Variants in TASP1 observed in about 807,000 individuals in gnomAD.
TASP1 encodes the protein threonine aspartase 1.
A neutral mutation model predicts 56.6 loss-of-function variants in TASP1; 16 were observed. The observed-to-expected ratio is 0.28, with a 90% CI of 0.19 to 0.43. The LOEUF (loss-of-function observed/expected upper bound fraction) is 0.43, where lower values mean the gene tolerates loss of function less well. TASP1 is among the 20% of genes least tolerant of loss of function. TASP1 has a pLI of 1.00. For synonymous variants in TASP1, 179 were observed against 184.2 expected, an observed-to-expected ratio of 0.97 and a Z score of 0.23; for missense variants, 393 against 511.6, an observed-to-expected ratio of 0.77 and a Z score of 2.24.
chr20:13,363,101 C>G, the TASP1 span, among the ~76,000 whole-genome samples: 1 of 151,918 alleles, frequency 6.6e-6, no homozygotes, highest in Non-Finnish European at 1.5e-5. Flanking sequence ...GCACAGAGCT[C>G]CCAAATCTCT....
the TASP1 span, among the ~76,000 whole-genome samples, chr20:13,159,392 T>C: frequency 0.021 from 3,180 of 152,236 alleles, 108 homozygotes; most frequent in African/African-American, 0.072. Flanking sequence ...TATGAAACAA[T>C]CAGGAGACCT....
At chr20:13,194,543 A>ATGTG in the TASP1 span, among the ~76,000 whole-genome samples, 428 of 142,390 alleles carry the variant, frequency 3.0e-3, 4 homozygotes, top group African/African-American at 8.6e-3. Flanking sequence ...TCACCAAGAA[A>ATGTG]TGTGTGTGTG....
At chr20:13,311,243 T>TAGATAGATAGATGATAGATA in the TASP1 span, among the ~76,000 whole-genome samples, 682 of 127,868 alleles carry the variant, frequency 5.3e-3, 4 homozygotes, top group East Asian at 0.014. Flanking sequence ...GATAGATAGA[T>TAGATAGATAGATGATAGATA]GATAGATAGA....
At chr20:13,580,495 T>C (rs1293931093) in intron 6 of TASP1, among the ~76,000 whole-genome samples, 2 of 151,524 alleles carry the variant, frequency 1.3e-5, no homozygotes, top group Non-Finnish European at 2.9e-5. Flanking sequence ...AAAAACCCTA[T>C]AGGAAAAAAA....
chr20:13,249,587 C>G, the TASP1 span, among the ~76,000 whole-genome samples: 4 of 152,208 alleles, frequency 2.6e-5, no homozygotes, highest in African/African-American at 9.7e-5. Context: ...GAAACCCCGC[C>G]AGGCTCTTTA....
chr20:13,189,513 A>G, the TASP1 span, among the ~76,000 whole-genome samples: 1 of 152,204 alleles, frequency 6.6e-6, no homozygotes, highest in Non-Finnish European at 1.5e-5. Context: ...ACACTTCTCA[A>G]AAGAAGACAT....
chr20:13,404,277 T>C (rs531251952), intron 13 of TASP1, among the ~76,000 whole-genome samples: 17 of 152,318 alleles, frequency 1.1e-4, no homozygotes, highest in African/African-American at 2.2e-4. Context: ...TTGTGAGGGT[T>C]TACCCTTGGC....
At chr20:13,300,346 T>G in the TASP1 span, 1 of 152,056 alleles carries the variant, frequency 6.6e-6, no homozygotes, top group African/African-American at 2.4e-5. Flanking sequence ...GGACCGCATT[T>G]CACCTATTTT....
intron 13 of TASP1, among the ~76,000 whole-genome samples, chr20:13,414,062 T>C (rs994508437): frequency 3.3e-5 from 5 of 152,226 alleles, no homozygotes; most frequent in African/African-American, 9.6e-5. Flanking sequence ...AATGCATTTA[T>C]AGCATTTTTC....
At chr20:13,478,346 TACAC>T (rs35289716) in intron 11 of TASP1, among the ~76,000 whole-genome samples, 23 of 140,184 alleles carry the variant, frequency 1.6e-4, no homozygotes, top group East Asian at 4.2e-4. Flanking sequence ...GAAAATATGA[TACAC>T]ACACACACAC....
chr20:13,478,386 A>G (rs1042424748), intron 11 of TASP1, among the ~76,000 whole-genome samples: 9 of 151,786 alleles, frequency 5.9e-5, no homozygotes, highest in African/African-American at 2.2e-4. Flanking sequence ...AATACTATTC[A>G]GCCACAAAAA....
chr20:13,110,534 C>A, the TASP1 span, among the ~76,000 whole-genome samples: 1 of 152,172 alleles, frequency 6.6e-6, no homozygotes, highest in African/African-American at 2.4e-5. Flanking sequence ...AGGCGTTTCG[C>A]AGCTGGGTTA....
chr20:13,528,311 C>A, intron 10 of TASP1, 122 bp downstream of exon 10: 3 of 567,538 alleles, frequency 5.3e-6, no homozygotes, highest in East Asian at 4.1e-5. Flanking sequence ...TACTGAAGAT[C>A]TTTCCCACAT....
At chr20:13,558,215 C>T (rs1427432395) in intron 8 of TASP1, among the ~76,000 whole-genome samples, 1 of 152,118 alleles carries the variant, frequency 6.6e-6, no homozygotes, top group Non-Finnish European at 1.5e-5. Context: ...TTGATGAATG[C>T]TAAGGTACAT....
the TASP1 span, among the ~76,000 whole-genome samples, chr20:13,279,283 A>G: frequency 9.9e-5 from 15 of 152,216 alleles, no homozygotes; most frequent in Non-Finnish European, 2.2e-4. Flanking sequence ...AGGCTTCTCA[A>G]TACCACATGG....
chr20:13,272,835 A>C, the TASP1 span, among the ~76,000 whole-genome samples: 4 of 152,136 alleles, frequency 2.6e-5, no homozygotes, highest in Admixed American at 1.3e-4. Flanking sequence ...TGGCTCATCC[A>C]TGTGTTTATA....
chr20:13,411,414 A>G (rs1479606776), intron 13 of TASP1, among the ~76,000 whole-genome samples: 3 of 152,198 alleles, frequency 2.0e-5, no homozygotes, highest in Non-Finnish European at 4.4e-5. Context: ...CTGATCCATG[A>G]GCATGGGATG....
At chr20:13,630,331 G>A (rs6033779) in intron 1 of TASP1, among the ~76,000 whole-genome samples, 179 bp from the exon 2 acceptor site, 40,487 of 151,982 alleles carry the variant, frequency 0.27, 6,712 homozygotes, top group African/African-American at 0.47. Context: ...CATTGAAGTC[G>A]GATAAAATTA....
chr20:13,168,005 A>T, the TASP1 span: 2 of 152,168 alleles, frequency 1.3e-5, no homozygotes, highest in Non-Finnish European at 2.9e-5. Flanking sequence ...TTCTCTTCTC[A>T]TTGGGACATT....
Sources: gnomAD v4.1 joint callset for allele counts (sites outside exome capture counted in the v4.1 genomes callset) on GRCh38, gnomAD v4.1.1 for gene constraint, MANE v1.5 for transcripts, NCBI Gene and HGNC (gene_info 2026-07-23, HGNC 2026-07-21) for gene names.